Variants in MDGA2 observed in about 807,000 individuals in gnomAD.
MDGA2 encodes the protein MAM domain-containing glycosylphosphatidylinositol anchor protein 2.
Under a neutral mutation model 117.8 loss-of-function variants are expected in MDGA2, and 40 were observed. The observed-to-expected ratio is 0.34, with a 90% CI of 0.26 to 0.44. The LOEUF (loss-of-function observed/expected upper bound fraction) is 0.44. MDGA2 is among the 20% of genes least tolerant of loss of function. The pLI is 1.00. For missense variants in MDGA2, 1,123 were observed against 1,250.6 expected (o/e 0.90, Z 1.54); for synonymous variants, 452 against 439.0 (o/e 1.03, Z -0.37).
At chr14:47,453,740 T>C (rs377615572) in intron 1 of MDGA2, among the ~76,000 whole-genome samples, 27 of 152,344 alleles carry the variant, frequency 1.8e-4, no homozygotes, top group African/African-American at 6.3e-4. Flanking sequence ...GTTTTAATTA[T>C]AGAATTATCT....
At chr14:47,215,874 T>C (rs1179644496) in intron 3 of MDGA2, among the ~76,000 whole-genome samples, 2 of 152,052 alleles carry the variant, frequency 1.3e-5, no homozygotes, top group African/African-American at 4.8e-5. Flanking sequence ...TTCATTGAAA[T>C]AACATAGAAC....
At chr14:47,478,094 ACAATGC>A (rs1594877954) in intron 1 of MDGA2, among the ~76,000 whole-genome samples, 1 of 152,224 alleles carries the variant, frequency 6.6e-6, no homozygotes, top group Admixed American at 6.5e-5. Context: ...ATTCTAGTTC[ACAATGC>A]CAAAGGCAAA....
At chr14:47,568,986 C>T (rs77507529) in intron 1 of MDGA2, among the ~76,000 whole-genome samples, 1 of 151,324 alleles carries the variant, frequency 6.6e-6, no homozygotes, top group Non-Finnish European at 1.5e-5. Context: ...CAGTATGTTG[C>T]CCAGGCTGGT....
intron 1 of MDGA2, among the ~76,000 whole-genome samples, chr14:47,550,765 A>C (rs1230205727): frequency 6.6e-6 from 1 of 152,232 alleles, no homozygotes; most frequent in African/African-American, 2.4e-5. Context: ...AATTATATGA[A>C]TATTGCCAGA....
At chr14:47,156,354 C>T (rs901588954) in intron 3 of MDGA2, among the ~76,000 whole-genome samples, 10 of 152,188 alleles carry the variant, frequency 6.6e-5, no homozygotes, top group African/African-American at 2.4e-4. Flanking sequence ...TCAAAAACTC[C>T]AAAGTTAGTT....
chr14:47,350,422 C>CT (rs1257124692), intron 1 of MDGA2, among the ~76,000 whole-genome samples: 4 of 152,122 alleles, frequency 2.6e-5, no homozygotes, highest in African/African-American at 7.2e-5. Context: ...GATTAGGACT[C>CT]TAAGTGGGAG....
chr14:47,425,865 C>T (rs995447655), intron 1 of MDGA2, among the ~76,000 whole-genome samples: 5 of 151,526 alleles, frequency 3.3e-5, no homozygotes, highest in African/African-American at 4.8e-5. Context: ...ATCAAAGCTA[C>T]GAAATTAACT....
intron 1 of MDGA2, among the ~76,000 whole-genome samples, chr14:47,642,357 C>A (rs1017562328): frequency 3.9e-5 from 6 of 152,016 alleles, no homozygotes; most frequent in Non-Finnish European, 8.8e-5. Flanking sequence ...TTATGCTGAA[C>A]AAATATGTAT....
At chr14:47,399,575 G>A (rs1474536867) in intron 1 of MDGA2, among the ~76,000 whole-genome samples, 1 of 152,066 alleles carries the variant, frequency 6.6e-6, no homozygotes, top group Non-Finnish European at 1.5e-5. Flanking sequence ...GCATAGCATG[G>A]CATGGCATCG....
chr14:47,018,733 GAAAAAAAAAAAAA>G (rs60442845), intron 8 of MDGA2, among the ~76,000 whole-genome samples: 7 of 38,650 alleles, frequency 1.8e-4, no homozygotes, highest in East Asian at 7.6e-4. Flanking sequence ...CCATTTTACT[GAAAAAAAAAAAAA>G]AAAAAAAAAA....
At chr14:47,486,222 G>A (rs1894058169) in intron 1 of MDGA2, among the ~76,000 whole-genome samples, 1 of 152,226 alleles carries the variant, frequency 6.6e-6, no homozygotes, top group Non-Finnish European at 1.5e-5. Flanking sequence ...ACCTGGATGT[G>A]AGACATGGAA....
chr14:47,651,243 TGTGTGTGTA>T (rs1566559294), intron 1 of MDGA2, among the ~76,000 whole-genome samples: 34 of 151,832 alleles, frequency 2.2e-4, no homozygotes, highest in Non-Finnish European at 4.4e-4. Flanking sequence ...TGTGTGTGTG[TGTGTGTGTA>T]TACCCATAAA....
chr14:47,312,960 A>G (rs1442960096), intron 1 of MDGA2, among the ~76,000 whole-genome samples: 1 of 149,760 alleles, frequency 6.7e-6, no homozygotes, highest in Non-Finnish European at 1.5e-5. Flanking sequence ...TTTCTCTAAT[A>G]CAAACTGCTA....
chr14:47,117,553 T>C (rs988790144), intron 5 of MDGA2, among the ~76,000 whole-genome samples: 1 of 152,148 alleles, frequency 6.6e-6, no homozygotes, highest in Non-Finnish European at 1.5e-5. Context: ...GTACATATAA[T>C]GGAATATTAT....
chr14:47,226,631 C>T (rs1157349184), intron 2 of MDGA2, among the ~76,000 whole-genome samples: 3 of 152,028 alleles, frequency 2.0e-5, no homozygotes, highest in South Asian at 2.1e-4. Context: ...CAGGAGGGTA[C>T]ATCTTGGTGC....
intron 3 of MDGA2, among the ~76,000 whole-genome samples, chr14:47,171,096 A>G (rs989745092): frequency 6.6e-6 from 1 of 152,176 alleles, no homozygotes; most frequent in Non-Finnish European, 1.5e-5. Flanking sequence ...CACAACCCCA[A>G]GGATAATTAA....
intron 8 of MDGA2, among the ~76,000 whole-genome samples, chr14:47,031,787 T>G (rs1298878262): frequency 6.6e-6 from 1 of 152,164 alleles, no homozygotes; most frequent in Non-Finnish European, 1.5e-5. Flanking sequence ...TTTAAAAATG[T>G]GTAGCACCTC....
intron 1 of MDGA2, among the ~76,000 whole-genome samples, chr14:47,662,686 A>G (rs1399913165): frequency 2.0e-5 from 3 of 152,208 alleles, no homozygotes; most frequent in African/African-American, 4.8e-5. Context: ...CACAGGAAAT[A>G]ATCAGAGAGT....
chr14:47,461,782 C>T (rs908283156), intron 1 of MDGA2, among the ~76,000 whole-genome samples: 2 of 152,094 alleles, frequency 1.3e-5, no homozygotes, highest in African/African-American at 2.4e-5. Context: ...GTGACATGAA[C>T]GATACTACTG....
Sources: allele counts gnomAD v4.1 joint callset (sites outside exome capture counted in the v4.1 genomes callset), GRCh38; gene constraint gnomAD v4.1.1; transcripts MANE v1.5; gene names NCBI Gene and HGNC (gene_info 2026-07-23, HGNC 2026-07-21).